The following MAGEC3 variants were observed in gnomAD, a reference collection of about 807,000 sequenced individuals.
The protein encoded by MAGEC3 is MAGE family member C3.
A neutral mutation model predicts 35.3 loss-of-function variants in MAGEC3; 34 were observed. The ratio of observed to expected loss-of-function variants is 0.96; its 90% CI spans 0.73 to 1.28. The LOEUF (loss-of-function observed/expected upper bound fraction) is 1.28, where lower values mean the gene tolerates loss of function less well. Among genes scored for constraint, MAGEC3 ranks in the 50% most tolerant of loss-of-function variants. The pLI, the probability that MAGEC3 is intolerant of heterozygous loss-of-function variation, is 0.00. For missense variants in MAGEC3, 561 were observed against 483.6 expected, an observed-to-expected ratio of 1.16 and a Z score of -1.50; for synonymous variants, 202 against 185.6, an observed-to-expected ratio of 1.09 and a Z score of -0.72.
At chrX:141,870,299 A>G (rs1001889265) in intron 2 of MAGEC3, among the ~76,000 whole-genome samples, 1 of 111,815 alleles carries the variant, frequency 8.9e-6, no homozygotes, top group Non-Finnish European at 1.9e-5. Flanking sequence ...AACCTTATAG[A>G]CAATCCTGTT....
chrX:141,873,121 A>G (rs914852842), intron 2 of MAGEC3, among the ~76,000 whole-genome samples: 2 of 111,973 alleles, frequency 1.8e-5, no homozygotes, highest in Non-Finnish European at 3.8e-5. Flanking sequence ...TGGCCGAGTT[A>G]GGTGAGAGGC....
chrX:141,858,678 T>C (rs929633635), intron 1 of MAGEC3, among the ~76,000 whole-genome samples: 3 of 110,557 alleles, frequency 2.7e-5, no homozygotes, highest in African/African-American at 9.8e-5. Flanking sequence ...ATTTGTGAGA[T>C]ACATACACAC....
At chrX:141,843,228 A>G (rs1438816205) in intron 1 of MAGEC3, among the ~76,000 whole-genome samples, 1 of 111,634 alleles carries the variant, frequency 9.0e-6, no homozygotes, top group Admixed American at 9.5e-5. Flanking sequence ...TTAGAAAAAT[A>G]TGATTGGAGG....
chrX:141,888,658 G>T (rs2018019633), intron 4 of MAGEC3, among the ~76,000 whole-genome samples: 1 of 111,825 alleles, frequency 8.9e-6, no homozygotes, highest in Non-Finnish European at 1.9e-5. Flanking sequence ...AGCCATCCCT[G>T]TCATCTTCCA....
chrX:141,842,911 T>C (rs2017694575), intron 1 of MAGEC3, among the ~76,000 whole-genome samples: 2 of 112,045 alleles, frequency 1.8e-5, no homozygotes, highest in Admixed American at 1.9e-4. Flanking sequence ...TGATTGCTAT[T>C]GCTCTAGGTG....
intron 1 of MAGEC3, among the ~76,000 whole-genome samples, chrX:141,850,640 C>G (rs1280410747): frequency 9.0e-6 from 1 of 111,313 alleles, no homozygotes; most frequent in Non-Finnish European, 1.9e-5. Context: ...TTCCAAAAAT[C>G]AACTTCACAA....
intron 1 of MAGEC3, among the ~76,000 whole-genome samples, chrX:141,854,326 T>G (rs2124090837): frequency 9.0e-6 from 1 of 111,255 alleles, no homozygotes; most frequent in African/African-American, 3.3e-5. Flanking sequence ...TCAAGAAAAC[T>G]ACCTGTGAGG....
chrX:141,865,537 C>T lies in MAGEC3; in HGVS notation c.190C>T (p.Leu64Phe), dbSNP rs1422659505. The change falls in exon 2 of 8, where the codon CTT (leucine) becomes TTT (phenylalanine). Residue 64 changes from leucine to phenylalanine, a missense_variant. Leu to Phe is a conservative substitution (Grantham distance 22). Coordinates refer to ENST00000298296, the MANE Select transcript of MAGEC3 (RefSeq NM_138702.1). Reference protein sequence around the residue: ...FHLGHLREVRLFLRGGTSDQR... With the variant: ...FHLGHLREVRFFLRGGTSDQR... ...TCTTGGGCATCTGAGGGAGGTGAGG[C>T]TTTTTCTGAGGGGTGGAACTTCAGA... 8.3e-7 allele frequency: 1 copy of T among 1,208,605 alleles called. No homozygotes were observed. The highest frequency in any genetic ancestry group is 1.8e-5 in the African/African-American group (1 of 56,878).
chrX:141,865,365 C>A, intron 1 of MAGEC3, 106 bp from the exon 2 acceptor site: 1 of 765,328 alleles, frequency 1.3e-6, no homozygotes, highest in Non-Finnish European at 1.8e-6. Flanking sequence ...TCTCTAATTG[C>A]TTTCACTCAT....
At chrX:141,850,057 A>G (rs757943439) in intron 1 of MAGEC3, among the ~76,000 whole-genome samples, 89 of 111,577 alleles carry the variant, frequency 8.0e-4, no homozygotes, top group African/African-American at 2.8e-3. Context: ...AAATGATAAT[A>G]TCATATCCTT....
At chrX:141,895,108 G>C (rs1300256149) in intron 4 of MAGEC3, among the ~76,000 whole-genome samples, 161 bp from the exon 5 acceptor site, 1 of 87,640 alleles carries the variant, frequency 1.1e-5, no homozygotes, top group African/African-American at 4.8e-5. Context: ...GAGGGTGGGA[G>C]GGGGTAGGGA....
At chrX:141,870,056 C>T (rs921228432) in intron 2 of MAGEC3, among the ~76,000 whole-genome samples, 4 of 110,947 alleles carry the variant, frequency 3.6e-5, no homozygotes, top group Admixed American at 9.6e-5. Flanking sequence ...TTTTGGGAAG[C>T]GTATTAAATA....
At chrX:141,876,388 C>T (rs1175716646) in intron 2 of MAGEC3, among the ~76,000 whole-genome samples, 2 of 111,829 alleles carry the variant, frequency 1.8e-5, no homozygotes, top group South Asian at 3.8e-4. Flanking sequence ...ATTTCAAGTC[C>T]TGCTCTCAGG....
chrX:141,897,541 A>G, intron 7 of MAGEC3, 55 bp downstream of exon 7: 1 of 1,196,407 alleles, frequency 8.4e-7, no homozygotes, highest in Non-Finnish European at 1.1e-6. Flanking sequence ...GCTGCTCACT[A>G]TACATTGGGT....
rs148813132 is a variant in MAGEC3, at chrX:141,848,376, A to G, written c.123+9938A>G. Reference sequence around the variant, plus strand: ...GACAATATGATTCTATAAATAGGAAACCCTGAAGACTCCACCAAAAGGCTT... The same window carrying G: ...GACAATATGATTCTATAAATAGGAAGCCCTGAAGACTCCACCAAAAGGCTT... On this transcript the variant is annotated intron_variant, in intron 1 of 7. Coordinates refer to ENST00000298296, the MANE Select transcript of MAGEC3 (RefSeq NM_138702.1). Among the ~76,000 whole-genome samples, 33 of 110,793 alleles carry G rather than the reference A, an allele frequency of 3.0e-4. 1 individual carries two copies. Among genetic ancestry groups the G allele is most frequent in the African/African-American group, 1.0e-3 (31 of 30,635 alleles).
At chrX:141,896,524 C>G (rs2018096306) in intron 6 of MAGEC3, 2 of 1,189,475 alleles carry the variant, frequency 1.7e-6, no homozygotes, top group African/African-American at 3.5e-5. Flanking sequence ...CAGCCTTTGT[C>G]AGAACCATCA....
chrX:141,880,189 C>A lies in MAGEC3; in HGVS notation c.515+758C>A, dbSNP rs150863291. On this transcript the variant is annotated intron_variant, in intron 3 of 7. Coordinates refer to ENST00000298296, the MANE Select transcript of MAGEC3 (RefSeq NM_138702.1). ...GCCCTGCTGGGGATAAGAGTGAGGA[C>A]TGAGGAGTCACATGTGCATCAGAAC... 2.9e-4 allele frequency among the ~76,000 whole-genome samples: 32 copies of A among 111,563 alleles called. 1 individual carries two copies. The highest frequency in any genetic ancestry group is 1.0e-3 in the African/African-American group (32 of 30,712).
At chrX:141,874,820 A>AG (rs908990756) in intron 2 of MAGEC3, among the ~76,000 whole-genome samples, 1 of 106,515 alleles carries the variant, frequency 9.4e-6, no homozygotes, top group Non-Finnish European at 1.9e-5. Context: ...GGAAATGGTA[A>AG]AAAAAAAAAA....
At chrX:141,867,199 C>G (rs1296562585) in intron 2 of MAGEC3, among the ~76,000 whole-genome samples, 1 of 111,438 alleles carries the variant, frequency 9.0e-6, no homozygotes, top group Admixed American at 9.5e-5. Flanking sequence ...ATTACTGTAG[C>G]CTTACAGTTG....
Sources: gnomAD v4.1 joint callset for allele counts (sites outside exome capture counted in the v4.1 genomes callset) on GRCh38, gnomAD v4.1.1 for gene constraint, MANE v1.5 for transcripts, NCBI Gene and HGNC (gene_info 2026-07-23, HGNC 2026-07-21) for gene names.